The following MECOM variants were observed in gnomAD, a reference collection of about 807,000 sequenced individuals.
MECOM encodes MDS1 and EVI1 complex locus, also known as histone-lysine N-methyltransferase MECOM.
MECOM carries 13 observed loss-of-function variants against 116.3 expected under a neutral mutation model. That is an observed-to-expected ratio of 0.11 (90% CI 0.07 to 0.18). The LOEUF is 0.18. MECOM is among the 10% of genes least tolerant of loss of function. MECOM has a pLI of 1.00. For missense variants in MECOM, 1,299 were observed against 1,509.0 expected, an observed-to-expected ratio of 0.86 and a Z score of 2.31; for synonymous variants, 528 against 535.2, an observed-to-expected ratio of 0.99 and a Z score of 0.19.
chr3:169,106,831 G>T (rs11915431), intron 10 of MECOM, among the ~76,000 whole-genome samples: 6,317 of 152,204 alleles, frequency 0.042, 432 homozygotes, highest in African/African-American at 0.14. Flanking sequence ...TACTGGAAAT[G>T]TAGGCCAGGA....
At chr3:169,309,923 C>A (rs936215512) in intron 2 of MECOM, among the ~76,000 whole-genome samples, 1 of 152,186 alleles carries the variant, frequency 6.6e-6, no homozygotes, top group African/African-American at 2.4e-5. Context: ...TTAGAAGCAG[C>A]TATTGTGATC....
chr3:169,558,607 C>A (rs978698202), intron 1 of MECOM, among the ~76,000 whole-genome samples: 5 of 152,198 alleles, frequency 3.3e-5, no homozygotes, highest in Non-Finnish European at 7.3e-5. Context: ...AGTATCTCAG[C>A]ACCCACTTAG....
At chr3:169,275,639 C>T (rs1370971561) in intron 2 of MECOM, among the ~76,000 whole-genome samples, 1 of 152,082 alleles carries the variant, frequency 6.6e-6, no homozygotes, top group Admixed American at 6.6e-5. Context: ...ACAATTTGAT[C>T]ATGTGTGTGC....
intron 2 of MECOM, among the ~76,000 whole-genome samples, chr3:169,268,231 C>G (rs1758542123): frequency 6.6e-6 from 1 of 152,154 alleles, no homozygotes; most frequent in Admixed American, 6.6e-5. Context: ...TGGCGACAAA[C>G]AGTGTTATTA....
intron 1 of MECOM, among the ~76,000 whole-genome samples, chr3:169,640,446 C>T (rs965707931): frequency 4.2e-4 from 64 of 152,156 alleles, no homozygotes; most frequent in Non-Finnish European, 7.8e-4. Context: ...GAGAGAAACA[C>T]TAGAAAAAAT....
intron 1 of MECOM, among the ~76,000 whole-genome samples, chr3:169,393,366 A>G (rs1248132050): frequency 6.6e-6 from 1 of 152,128 alleles, no homozygotes; most frequent in Non-Finnish European, 1.5e-5. Context: ...CCCACCAGAT[A>G]ATGAATTTTT....
intron 1 of MECOM, among the ~76,000 whole-genome samples, chr3:169,594,346 T>A (rs1393158756): frequency 6.6e-6 from 1 of 151,868 alleles, no homozygotes; most frequent in African/African-American, 2.4e-5. Flanking sequence ...ATTCTTCTAA[T>A]TTTTTTTCTT....
At chr3:169,140,503 C>T (rs931154807) in intron 3 of MECOM, among the ~76,000 whole-genome samples, 1 of 151,982 alleles carries the variant, frequency 6.6e-6, no homozygotes, top group African/African-American at 2.4e-5. Context: ...TCAGAAGCCA[C>T]AGCTACTTAG....
At chr3:169,398,919 T>C (rs1017302801) in intron 1 of MECOM, among the ~76,000 whole-genome samples, 1 of 152,212 alleles carries the variant, frequency 6.6e-6, no homozygotes, top group African/African-American at 2.4e-5. Flanking sequence ...ATTTACACAT[T>C]GAAACCCTTT....
chr3:169,437,589 T>G (rs1742879961), intron 1 of MECOM, among the ~76,000 whole-genome samples: 1 of 152,220 alleles, frequency 6.6e-6, no homozygotes, highest in African/African-American at 2.4e-5. Flanking sequence ...ATGTAATTCT[T>G]GGAGACAAAA....
chr3:169,142,666 T>C (rs1318849063), intron 3 of MECOM, among the ~76,000 whole-genome samples: 4 of 152,118 alleles, frequency 2.6e-5, no homozygotes, highest in African/African-American at 9.6e-5. Flanking sequence ...TTACTACCTC[T>C]TACACCGTTT....
chr3:169,366,906 A>G (rs535374445), intron 2 of MECOM, among the ~76,000 whole-genome samples: 2 of 152,186 alleles, frequency 1.3e-5, no homozygotes, highest in Admixed American at 6.5e-5. Flanking sequence ...TAGAAAGTAC[A>G]TACACACACA....
At chr3:169,608,525 G>A (rs912249133) in intron 1 of MECOM, among the ~76,000 whole-genome samples, 37 of 152,102 alleles carry the variant, frequency 2.4e-4, no homozygotes, top group African/African-American at 8.7e-4. Flanking sequence ...GCGAGTCTTG[G>A]TGGCAGGATT....
chr3:169,590,324 T>A (rs960835389), intron 1 of MECOM, among the ~76,000 whole-genome samples: 2 of 152,204 alleles, frequency 1.3e-5, no homozygotes, highest in African/African-American at 2.4e-5. Flanking sequence ...AAAATAGGTA[T>A]AATAGCAACA....
chr3:169,469,296 T>A (rs1378131949), intron 1 of MECOM, among the ~76,000 whole-genome samples: 2 of 152,160 alleles, frequency 1.3e-5, no homozygotes, highest in African/African-American at 4.8e-5. Flanking sequence ...CAGTAAGAAG[T>A]ACAGGTCACC....
intron 4 of MECOM, among the ~76,000 whole-genome samples, chr3:169,129,429 A>G (rs1293669835): frequency 1.3e-5 from 2 of 151,736 alleles, no homozygotes; most frequent in Non-Finnish European, 2.9e-5. Context: ...TCCCAGTTTC[A>G]GTATGAGAAG....
At chr3:169,388,397 C>T (rs1255412726) in intron 1 of MECOM, among the ~76,000 whole-genome samples, 2 of 152,122 alleles carry the variant, frequency 1.3e-5, no homozygotes, top group Admixed American at 6.5e-5. Flanking sequence ...GGGTGGAGCT[C>T]AACTAATGCC....
intron 2 of MECOM, among the ~76,000 whole-genome samples, chr3:169,286,480 C>G (rs1713344781): frequency 6.6e-6 from 1 of 152,170 alleles, no homozygotes; most frequent in Non-Finnish European, 1.5e-5. Context: ...AAACAGGCAG[C>G]ATGTACTAAT....
At chr3:169,345,799 A>C (rs1397458844) in intron 2 of MECOM, among the ~76,000 whole-genome samples, 1 of 152,158 alleles carries the variant, frequency 6.6e-6, no homozygotes, top group Non-Finnish European at 1.5e-5. Flanking sequence ...AAATATAAAT[A>C]AAAGTAAATG....
Sources: gnomAD v4.1 joint callset for allele counts (sites outside exome capture counted in the v4.1 genomes callset) on GRCh38, gnomAD v4.1.1 for gene constraint, MANE v1.5 for transcripts, NCBI Gene and HGNC (gene_info 2026-07-23, HGNC 2026-07-21) for gene names.